Variants in MBD5 observed in about 807,000 individuals in gnomAD.
MBD5 encodes methyl-CpG binding domain protein 5.
In MBD5, 13 loss-of-function variants were observed where a neutral mutation model predicts 117.3. That is an observed-to-expected ratio of 0.11 (90% CI 0.07 to 0.18). MBD5 has a LOEUF of 0.18. Ranked by LOEUF, MBD5 falls within the 10% of genes least tolerant of loss-of-function variation. MBD5 has a pLI of 1.00. For synonymous variants in MBD5, 727 were observed against 766.4 expected, an observed-to-expected ratio of 0.95 and a Z score of 0.85; for missense variants, 1,879 against 2,093.8, an observed-to-expected ratio of 0.90 and a Z score of 2.00.
Position 148,513,061 on chromosome 2 carries a change from C to A in MBD5, c.*120C>A. On this transcript the variant is annotated 3_prime_UTR_variant, in exon 14 of 14. Coordinates refer to ENST00000642680, the MANE Select transcript of MBD5 (RefSeq NM_001378120.1). ...TTTAGACTATGGCAGATAGCTACCA[C>A]CACCACAGGGTGCTAAAAGAAACAG... The A allele has an allele frequency of 2.9e-6, 3 of 1,023,260 alleles. No individual in the cohort carries two copies. The highest frequency in any genetic ancestry group is 4.5e-6 in the Non-Finnish European group (3 of 664,606). 63.4% of individuals were successfully genotyped at this position (1,023,260 alleles called of 1,614,324 possible).
intron 4 of MBD5, among the ~76,000 whole-genome samples, chr2:148,399,076 T>A (rs1704830822): frequency 6.6e-6 from 1 of 152,228 alleles, no homozygotes; most frequent in South Asian, 2.1e-4. Context: ...TAGTTTGAAG[T>A]CAGGTAGAGT....
At chr2:148,114,478 A>C (rs564365077) in intron 1 of MBD5, among the ~76,000 whole-genome samples, 15 of 152,260 alleles carry the variant, frequency 9.9e-5, no homozygotes, top group South Asian at 2.1e-4. Context: ...TCAAAAAAAA[A>C]CCAGAGTATT....
chr2:148,494,832 G>A (rs145546503), intron 11 of MBD5, among the ~76,000 whole-genome samples: 5,117 of 152,126 alleles, frequency 0.034, 305 homozygotes, highest in African/African-American at 0.12. Flanking sequence ...GGGTGGTGGC[G>A]GGTGCCTGTA....
chr2:148,511,207 G>C (rs563594438), intron 13 of MBD5, among the ~76,000 whole-genome samples: 1 of 152,298 alleles, frequency 6.6e-6, no homozygotes, highest in East Asian at 1.9e-4. Context: ...AGCGTGCTAA[G>C]AATACTGCCA....
chr2:148,327,589 A>G (rs1702494489), intron 3 of MBD5, among the ~76,000 whole-genome samples: 1 of 151,314 alleles, frequency 6.6e-6, no homozygotes, highest in South Asian at 2.1e-4. Flanking sequence ...CATTTCATTC[A>G]TTTCATCTTC....
At chr2:148,085,950 G>A (rs1695781785) in intron 1 of MBD5, among the ~76,000 whole-genome samples, 1 of 152,184 alleles carries the variant, frequency 6.6e-6, no homozygotes, top group South Asian at 2.1e-4. Context: ...AGCAAAACCT[G>A]ACTTGAACTA....
chr2:148,080,993 T>C (rs1335992046), intron 1 of MBD5, among the ~76,000 whole-genome samples: 1 of 152,202 alleles, frequency 6.6e-6, no homozygotes, highest in African/African-American at 2.4e-5. Context: ...GAAAACCATT[T>C]GCTGCTTCTA....
In MBD5 at chr2:148,345,332, T is replaced by TATATACACATATACATATACAC. The variant is rs1559032861; in HGVS notation, c.-557+3040_-557+3061dup. 1.5e-3 allele frequency among the ~76,000 whole-genome samples: 214 copies of TATATACACATATACATATACAC among 147,348 alleles called. 17 individuals carry two copies. The highest frequency in any genetic ancestry group is 5.4e-3 in the African/African-American group (210 of 38,772). ...ATACACACACATATATATATATATG[T>TATATACACATATACATATACAC]ATATACACATATACATATACACATA... is the stretch of plus-strand genomic sequence containing the variant. On this transcript the variant is annotated intron_variant, in intron 4 of 13. Transcript: ENST00000642680.
rs778516851 is a variant in MBD5, at chr2:148,483,280, G to T, written c.2689G>T (p.Ala897Ser). The T allele has an allele frequency of 3.7e-5, 59 of 1,613,804 alleles. No individual in the cohort carries two copies. Among genetic ancestry groups the T allele is most frequent in the Non-Finnish European group, 4.8e-5 (57 of 1,180,010 alleles). ...SDFPFVGQEHALHFPSNSTSN... is the reference protein window; with the variant it reads ...SDFPFVGQEHSLHFPSNSTSN... ...TTTTCCTTTTGTTGGCCAGGAGCAC[G>T]CACTTCATTTTCCATCCAACAGCAC... The change falls in exon 9 of 14, where the codon GCA (alanine) becomes TCA (serine). Residue 897 changes from alanine to serine, a missense_variant. Transcript: ENST00000642680.
chr2:148,220,341 G>A (rs1699655681), intron 2 of MBD5, among the ~76,000 whole-genome samples: 1 of 152,074 alleles, frequency 6.6e-6, no homozygotes, highest in Admixed American at 6.6e-5. Flanking sequence ...TGTCCACTTA[G>A]CTAATATTTA....
At chr2:148,162,303 T>C (rs1000633709) in intron 1 of MBD5, among the ~76,000 whole-genome samples, 1 of 152,182 alleles carries the variant, frequency 6.6e-6, no homozygotes, top group African/African-American at 2.4e-5. Flanking sequence ...CACCCCCCTG[T>C]CCATTTACTG....
At chr2:148,168,234 C>A (rs1479447974) in intron 1 of MBD5, among the ~76,000 whole-genome samples, 1 of 152,154 alleles carries the variant, frequency 6.6e-6, no homozygotes, top group African/African-American at 2.4e-5. Context: ...TAAATTCCTT[C>A]TTCAATAGCC....
At chr2:148,412,627 T>C (rs1705296398) in intron 4 of MBD5, among the ~76,000 whole-genome samples, 1 of 152,092 alleles carries the variant, frequency 6.6e-6, no homozygotes, top group Non-Finnish European at 1.5e-5. Context: ...TCATCTCTGA[T>C]CTCTTTGAGC....
At chr2:148,105,125 C>T (rs1165215959) in intron 1 of MBD5, among the ~76,000 whole-genome samples, 1 of 151,750 alleles carries the variant, frequency 6.6e-6, no homozygotes, top group Non-Finnish European at 1.5e-5. Flanking sequence ...TCTATGTTTT[C>T]AAATATATTG....
intron 11 of MBD5, chr2:148,490,827 G>C (rs767147169): frequency 2.5e-5 from 14 of 550,710 alleles, no homozygotes; most frequent in Non-Finnish European, 4.5e-5. Flanking sequence ...TAGGGCTCAG[G>C]GTGGCTGTAA....
intron 1 of MBD5, among the ~76,000 whole-genome samples, chr2:148,103,553 G>T (rs1011857402): frequency 1.3e-5 from 2 of 152,140 alleles, no homozygotes; most frequent in African/African-American, 4.8e-5. Flanking sequence ...TACATGCTAA[G>T]TAGGCAAATT....
chr2:148,118,435 A>AAAAAAATAT (rs1021339753), intron 1 of MBD5, among the ~76,000 whole-genome samples: 74 of 148,572 alleles, frequency 5.0e-4, no homozygotes, highest in African/African-American at 1.7e-3. Flanking sequence ...CATAAAAAAA[A>AAAAAAATAT]ATATATATAT....
rs552592836 is a variant in MBD5 at position 148,456,312 on chromosome 2, A to T, written c.-556-1891A>T. 4.6e-5 allele frequency among the ~76,000 whole-genome samples: 7 copies of T among 152,236 alleles called. No homozygotes were observed. The East Asian group carries it at 1.4e-3, about 29-fold the overall frequency. The stretch of plus-strand genomic sequence containing the variant: ...TGTGGTCTTTTCACTGCAAACTCAC[A>T]TGTTGGAAGAGATCTCTTTATGGCC... On this transcript the variant is annotated intron_variant, in intron 4 of 13. Coordinates refer to ENST00000642680, the MANE Select transcript of MBD5 (RefSeq NM_001378120.1).
intron 11 of MBD5, among the ~76,000 whole-genome samples, chr2:148,491,924 C>T (rs368919937): frequency 4.0e-5 from 6 of 151,710 alleles, no homozygotes; most frequent in East Asian, 1.9e-4. Context: ...TCTGTGCAAA[C>T]GAACTAAGTC....
Sources: allele counts gnomAD v4.1 joint callset (sites outside exome capture counted in the v4.1 genomes callset), GRCh38; gene constraint gnomAD v4.1.1; transcripts MANE v1.5; gene names NCBI Gene and HGNC (gene_info 2026-07-23, HGNC 2026-07-21).